Variants in ABCA1 observed in about 807,000 individuals in gnomAD.
ABCA1 encodes phospholipid-transporting ATPase ABCA1.
ABCA1 carries 133 observed loss-of-function variants against 262.5 expected under a neutral mutation model. The ratio of observed to expected loss-of-function variants is 0.51; its 90% CI spans 0.44 to 0.59. ABCA1 has a LOEUF of 0.59. Ranked by LOEUF, ABCA1 falls within the 20% of genes least tolerant of loss-of-function variation. The pLI is 0.00. For missense variants in ABCA1, 2,452 were observed against 2,777.5 expected (o/e 0.88, Z 2.63); for synonymous variants, 1,022 against 1,043.5 (o/e 0.98, Z 0.40).
Position 104,824,507 on chromosome 9 carries a change from C to A in ABCA1, c.2614G>T (p.Glu872Ter). The change falls in exon 18 of 50, where the codon GAG (glutamate) becomes TAG (stop). Residue 872 changes from glutamate (E) to a stop codon, truncating the protein, a stop_gained. Transcript: ENST00000374736. LOFTEE classifies it high-confidence loss of function. ...TGGTTGGAACCAGGGTGGCTCTTCT[C>A]ATCACTTTCCTCGCCAAACCAGTAG... ...KSYWFGEESD[E>*]KSHPGSNQKR... 1 of 1,614,156 alleles carries A rather than the reference C, an allele frequency of 6.2e-7. No individual in the cohort carries two copies. The highest frequency in any genetic ancestry group is 8.5e-7 in the Non-Finnish European group (1 of 1,180,034).
intron 4 of ABCA1, 31 bp from the exon 5 acceptor site, chr9:104,883,188 T>C: frequency 1.3e-6 from 2 of 1,575,638 alleles, no homozygotes; most frequent in Non-Finnish European, 1.7e-6. Context: ...GGCGAAAGGC[T>C]TTAGCTAGGC....
chr9:104,833,751 T>C (rs1833555875), intron 11 of ABCA1, among the ~76,000 whole-genome samples: 1 of 152,230 alleles, frequency 6.6e-6, no homozygotes, highest in Admixed American at 6.5e-5. Context: ...GTACAATCTT[T>C]TCCAATTGCA....
intron 48 of ABCA1, 55 bp from the exon 49 acceptor site, chr9:104,785,694 A>T (rs1021549989): frequency 6.2e-7 from 1 of 1,608,124 alleles, no homozygotes; most frequent in African/African-American, 1.3e-5. Context: ...TATTTAAAAG[A>T]ATACTGAACC....
At chr9:104,822,245 T>C (rs1213269869) in intron 19 of ABCA1, among the ~76,000 whole-genome samples, 12 of 152,244 alleles carry the variant, frequency 7.9e-5, no homozygotes, top group Admixed American at 7.9e-4. Context: ...CCAAGACCAC[T>C]GCAGAATTCT....
chr9:104,829,131 G>T lies in ABCA1; in HGVS notation c.1900C>A (p.Arg634=). 6.2e-7 allele frequency: 1 copy of T among 1,614,058 alleles called. No individual in the cohort carries two copies. Among genetic ancestry groups the T allele is most frequent in the Non-Finnish European group, 8.5e-7 (1 of 1,180,006 alleles). ...AGGGGCATTGACCGGCTCATCACCC[G>T]CAGAAAGCTGGAGGCCCCAAGGAAG... ...YPCYVDDIFL[R]VMSRSMPLFM... The change falls in exon 15 of 50, where the codon CGG becomes AGG. Residue 634 remains arginine (R), a synonymous_variant. Transcript: ENST00000374736.
At chr9:104,786,552 T>C (rs143108891) in intron 47 of ABCA1, among the ~76,000 whole-genome samples, 162 bp from the exon 48 acceptor site, 1 of 152,314 alleles carries the variant, frequency 6.6e-6, no homozygotes, top group Non-Finnish European at 1.5e-5. Context: ...TGTTTACAAT[T>C]GTGAACAAGT....
At chr9:104,876,943 C>A (rs1375873773) in intron 5 of ABCA1, among the ~76,000 whole-genome samples, 1 of 152,204 alleles carries the variant, frequency 6.6e-6, no homozygotes, top group East Asian at 1.9e-4. Context: ...CTTTTTAAAA[C>A]AAGATAGTAT....
chr9:104,840,064 T>C (rs1055132157), intron 9 of ABCA1, among the ~76,000 whole-genome samples: 7 of 152,234 alleles, frequency 4.6e-5, no homozygotes, highest in African/African-American at 1.7e-4. Flanking sequence ...TAAACACTAC[T>C]GTGCACCTGA....
In ABCA1 at chr9:104,883,090, C is replaced by T. The variant is rs865982523; in HGVS notation, c.370G>A (p.Asp124Asn). The T allele has an allele frequency of 2.5e-6, 4 of 1,614,066 alleles. No individual in the cohort carries two copies. The African/African-American group carries it at 4.0e-5, about 16-fold the overall frequency. The part of the protein sequence containing the change: ...LYSQKDTSMK[D>N]MRKVLRTLQQ... ...AATGTTCTCAGAACTTTGCGCATGT[C>T]CTTCATGCTGGTGTCTTTCTGGCTG... Residue 124 changes from aspartate (D) to asparagine (N), a missense_variant, in exon 5 of 50, where the codon GAC becomes AAC. Coordinates refer to ENST00000374736, the MANE Select transcript of ABCA1 (RefSeq NM_005502.4).
rs2066881 is a variant in ABCA1 at position 104,786,285 on chromosome 9, T to C, written c.6401+13A>G. On this transcript the variant is annotated intron_variant, in intron 48 of 49. Transcript: ENST00000374736. ...CTCACTAGGCACTATCCCAAAGAAA[T>C]TATCTTTATTACCTATTTTTTAGAT... is the stretch of plus-strand genomic sequence containing the variant. 0.072 allele frequency: 114,773 copies of C among 1,602,912 alleles called. 7,264 individuals are homozygous for C. Among genetic ancestry groups the C allele is most frequent in the East Asian group, 0.37 (16,569 of 44,804 alleles).
chr9:104,831,941 C>G, intron 12 of ABCA1, 114 bp from the exon 13 acceptor site: 1 of 973,186 alleles, frequency 1.0e-6, no homozygotes, highest in Non-Finnish European at 1.6e-6. Context: ...CATCCTCTCT[C>G]TCTAATCCTC....
chr9:104,806,092 A>C, intron 31 of ABCA1, 149 bp downstream of exon 31: 1 of 818,798 alleles, frequency 1.2e-6, no homozygotes, highest in Non-Finnish European at 1.9e-6. Context: ...GCGACAGAGC[A>C]AGACTCCGCC....
chr9:104,791,066 A>G (rs757040025), intron 43 of ABCA1, 38 bp from the exon 44 acceptor site: 3 of 1,465,576 alleles, frequency 2.0e-6, no homozygotes, highest in Non-Finnish European at 2.9e-6. Context: ...GCAAACTCTA[A>G]AAACATGAAT....
intron 5 of ABCA1, among the ~76,000 whole-genome samples, chr9:104,865,993 G>A (rs1046326580): frequency 5.3e-5 from 8 of 152,164 alleles, no homozygotes; most frequent in African/African-American, 1.7e-4. Context: ...ACTGGCCCAA[G>A]ATGAGGTTTA....
chr9:104,838,654 C>T (rs1834062396), intron 9 of ABCA1, among the ~76,000 whole-genome samples: 2 of 151,442 alleles, frequency 1.3e-5, no homozygotes, highest in African/African-American at 2.4e-5. Context: ...TTAACACAAA[C>T]TAGTATATGT....
intron 2 of ABCA1, among the ~76,000 whole-genome samples, chr9:104,889,814 C>A (rs1205368452): frequency 6.6e-6 from 1 of 152,202 alleles, no homozygotes; most frequent in African/African-American, 2.4e-5. Flanking sequence ...AAAATTCACA[C>A]ATAGTTCCAT....
chr9:104,826,370 C>T (rs1832812682), intron 16 of ABCA1, among the ~76,000 whole-genome samples: 1 of 152,182 alleles, frequency 6.6e-6, no homozygotes, highest in African/African-American at 2.4e-5. Flanking sequence ...CATCTGACAA[C>T]TTGCACTTGT....
At chr9:104,856,009 G>T (rs758477343) in intron 7 of ABCA1, 5 of 1,612,710 alleles carry the variant, frequency 3.1e-6, no homozygotes, top group South Asian at 2.2e-5. Flanking sequence ...GTTGGGCTTT[G>T]CATCTCCGGT....
At chr9:104,861,836 G>T in intron 5 of ABCA1, 36 bp from the exon 6 acceptor site, 3 of 1,508,112 alleles carry the variant, frequency 2.0e-6, no homozygotes, top group East Asian at 2.3e-5. Flanking sequence ...TATTTAGTAA[G>T]TAACTCAAAA....
Sources: gnomAD v4.1 joint callset for allele counts (sites outside exome capture counted in the v4.1 genomes callset) on GRCh38, gnomAD v4.1.1 for gene constraint, MANE v1.5 for transcripts, NCBI Gene and HGNC (gene_info 2026-07-23, HGNC 2026-07-21) for gene names.